Variants in GALNT13 observed in about 807,000 individuals in gnomAD.
The protein encoded by GALNT13 is polypeptide N-acetylgalactosaminyltransferase 13, also known as UDP-GalNAc:polypeptide N-acetylgalactosaminyltransferase 13.
Under a neutral mutation model 64.2 loss-of-function variants are expected in GALNT13, and 28 were observed. The ratio of observed to expected loss-of-function variants is 0.44; its 90% CI spans 0.32 to 0.60. GALNT13 has a LOEUF of 0.60. Among genes scored for constraint, GALNT13 ranks in the 20% least tolerant of loss-of-function variants. The probability of loss-of-function intolerance (pLI) is 0.05; values close to 1 mark genes in which losing one functional copy is unlikely to be tolerated. For synonymous variants in GALNT13, 214 were observed against 224.6 expected, an observed-to-expected ratio of 0.95 and a Z score of 0.42; for missense variants, 577 against 669.8, an observed-to-expected ratio of 0.86 and a Z score of 1.53.
chr2:153,440,353 G>A, the GALNT13 span, among the ~76,000 whole-genome samples: 1 of 152,132 alleles, frequency 6.6e-6, no homozygotes, highest in Non-Finnish European at 1.5e-5. Flanking sequence ...TCTATCATTG[G>A]TGGGCATTTG....
chr2:153,342,824 G>A, the GALNT13 span, among the ~76,000 whole-genome samples: 6 of 152,188 alleles, frequency 3.9e-5, no homozygotes, highest in South Asian at 2.1e-4. Context: ...CACAAATAAC[G>A]CAGGTCACTC....
At position 154,274,592 on chromosome 2, in the gene GALNT13, T is replaced by C. The variant is rs895269617; in HGVS notation, c.975+15454T>C. On this transcript the variant is annotated intron_variant, in intron 8 of 12. Coordinates refer to ENST00000392825, the MANE Select transcript of GALNT13 (RefSeq NM_052917.4). ...TTGGCATTTCTCCTTGCTGCTGCCA[T>C]GTGAAGAAGGTCATGTTTGCTTCCC... Among the ~76,000 whole-genome samples the C allele has an allele frequency of 2.0e-5, 3 of 152,104 alleles. No homozygotes were observed. The East Asian group carries it at 5.8e-4, about 29-fold the overall frequency.
chr2:154,173,681 A>T (rs1240674380), intron 4 of GALNT13, among the ~76,000 whole-genome samples: 1 of 152,082 alleles, frequency 6.6e-6, no homozygotes, highest in Non-Finnish European at 1.5e-5. Flanking sequence ...AGAATATATA[A>T]GGAGCTCAAA....
chr2:153,525,182 C>T, the GALNT13 span, among the ~76,000 whole-genome samples: 1 of 152,134 alleles, frequency 6.6e-6, no homozygotes, highest in Non-Finnish European at 1.5e-5. Context: ...GAGAAGAAAC[C>T]AGTTCTAACA....
At chr2:153,141,550 A>G in the GALNT13 span, among the ~76,000 whole-genome samples, 1 of 152,108 alleles carries the variant, frequency 6.6e-6, no homozygotes, top group East Asian at 1.9e-4. Context: ...GCAGTTCTCA[A>G]CTGGGAGCTG....
intron 4 of GALNT13, among the ~76,000 whole-genome samples, chr2:154,155,786 T>G (rs1573768810): frequency 6.6e-6 from 1 of 152,064 alleles, no homozygotes; most frequent in South Asian, 2.1e-4. Flanking sequence ...ATTTTAATAT[T>G]TAATGTTGCT....
the GALNT13 span, among the ~76,000 whole-genome samples, chr2:153,272,071 A>C: frequency 1.3e-5 from 2 of 152,210 alleles, no homozygotes; most frequent in Non-Finnish European, 2.9e-5. Flanking sequence ...CATATGCAGA[A>C]AATTGAAACC....
chr2:154,404,033 GTC>G (rs1293514432), intron 10 of GALNT13, among the ~76,000 whole-genome samples: 1 of 152,100 alleles, frequency 6.6e-6, no homozygotes, highest in Non-Finnish European at 1.5e-5. Context: ...GGTAGTGGTT[GTC>G]TCTCTTTTCT....
intron 9 of GALNT13, among the ~76,000 whole-genome samples, chr2:154,311,758 C>A (rs1239031532): frequency 2.6e-5 from 4 of 152,102 alleles, no homozygotes; most frequent in Admixed American, 6.5e-5. Context: ...ACAGGTACGC[C>A]CTGGGGGGGC....
chr2:153,398,650 G>C, the GALNT13 span, among the ~76,000 whole-genome samples: 1 of 152,146 alleles, frequency 6.6e-6, no homozygotes, highest in Non-Finnish European at 1.5e-5. Context: ...TTGTAGTTTT[G>C]ATTTGCATTT....
the GALNT13 span, among the ~76,000 whole-genome samples, chr2:153,784,015 C>T: frequency 2.0e-5 from 3 of 152,134 alleles, no homozygotes; most frequent in African/African-American, 4.8e-5. Context: ...AAATGTGACC[C>T]GTAAATGTTC....
chr2:153,115,296 T>A, the GALNT13 span, among the ~76,000 whole-genome samples: 2 of 152,136 alleles, frequency 1.3e-5, no homozygotes, highest in African/African-American at 4.8e-5. Flanking sequence ...ACTGGGTAAG[T>A]CAGCAAAAGT....
the GALNT13 span, among the ~76,000 whole-genome samples, chr2:153,701,702 G>A: frequency 6.6e-6 from 1 of 151,798 alleles, no homozygotes; most frequent in Admixed American, 6.6e-5. Flanking sequence ...CAAAAGACAC[G>A]TATATGGTCA....
chr2:153,423,520 A>G, the GALNT13 span: 1 of 151,930 alleles, frequency 6.6e-6, no homozygotes, highest in African/African-American at 2.4e-5. Flanking sequence ...TATGCAAAAT[A>G]AATTTGCAAG....
the GALNT13 span, among the ~76,000 whole-genome samples, chr2:153,418,000 A>C: frequency 6.6e-6 from 1 of 152,326 alleles, no homozygotes; most frequent in South Asian, 2.1e-4. Flanking sequence ...AGAACCAGCA[A>C]GAGAGAATGT....
the GALNT13 span, among the ~76,000 whole-genome samples, chr2:153,622,207 TTC>T: frequency 6.6e-6 from 1 of 152,074 alleles, no homozygotes; most frequent in African/African-American, 2.4e-5. Context: ...TATATTATAG[TTC>T]TCTCTAACAC....
intron 3 of GALNT13, among the ~76,000 whole-genome samples, chr2:154,094,332 CT>C (rs1701970083): frequency 6.6e-6 from 1 of 151,944 alleles, no homozygotes; most frequent in Admixed American, 6.6e-5. Flanking sequence ...GCTTGCTCAG[CT>C]GTAAGCTTTG....
the GALNT13 span, among the ~76,000 whole-genome samples, chr2:153,682,159 G>A: frequency 6.6e-6 from 1 of 151,724 alleles, no homozygotes; most frequent in African/African-American, 2.4e-5. Context: ...CTTGCCCATA[G>A]ATGCCCCATA....
chr2:153,498,592 G>C, the GALNT13 span, among the ~76,000 whole-genome samples: 1 of 152,346 alleles, frequency 6.6e-6, no homozygotes, highest in Non-Finnish European at 1.5e-5. Context: ...ACCATGTGTG[G>C]CTTCCTCTGC....
Sources: allele counts gnomAD v4.1 joint callset (sites outside exome capture counted in the v4.1 genomes callset), GRCh38; gene constraint gnomAD v4.1.1; transcripts MANE v1.5; gene names NCBI Gene and HGNC (gene_info 2026-07-23, HGNC 2026-07-21).